SLC8A3: variants seen among roughly 807,000 people sequenced by gnomAD.
SLC8A3 encodes sodium/calcium exchanger 3.
Under a neutral mutation model 65.4 loss-of-function variants are expected in SLC8A3, and 37 were observed. The ratio of observed to expected loss-of-function variants is 0.57; its 90% CI spans 0.44 to 0.74. The LOEUF is 0.74. Ranked by LOEUF, SLC8A3 falls within the 30% of genes least tolerant of loss-of-function variation. SLC8A3 has a pLI of 0.00. For synonymous variants in SLC8A3, 461 were observed against 444.5 expected (o/e 1.04, Z -0.47); for missense variants, 1,112 against 1,172.1 (o/e 0.95, Z 0.75).
intron 2 of SLC8A3, among the ~76,000 whole-genome samples, chr14:70,162,745 C>T (rs77184490): frequency 0.023 from 3,538 of 152,302 alleles, 117 homozygotes; most frequent in South Asian, 0.13. Flanking sequence ...CAAGAAGTGA[C>T]TATAGTGATG....
chr14:70,063,813 G>A (rs72729840), intron 2 of SLC8A3: 2 of 1,434,104 alleles, frequency 1.4e-6, no homozygotes, highest in East Asian at 4.6e-5. Context: ...TGGAGGACAG[G>A]GTACTACACC....
intron 2 of SLC8A3, among the ~76,000 whole-genome samples, chr14:70,114,260 T>C (rs1893508511): frequency 6.6e-6 from 1 of 152,078 alleles, no homozygotes. Flanking sequence ...ATCTAGGATT[T>C]TAGAGTTGAA....
At position 70,116,838 on chromosome 14, in the gene SLC8A3, T is replaced by G. The variant is rs566271198; in HGVS notation, c.1784+49801A>C. 2.6e-5 allele frequency among the ~76,000 whole-genome samples: 4 copies of G among 152,318 alleles called. No individual in the cohort carries two copies. In the South Asian group the frequency reaches 8.3e-4, roughly 32 times the overall value. On this transcript the variant is annotated intron_variant, in intron 2 of 6. Transcript: ENST00000356921. ...AATGATGCAGATTGGATTCTCCGCA[T>G]GGAATTTTTAGCAATGGTACTGCTA... is the stretch of plus-strand genomic sequence containing the variant.
chr14:70,150,474 T>C (rs74062806), intron 2 of SLC8A3, among the ~76,000 whole-genome samples: 1,958 of 152,268 alleles, frequency 0.013, 43 homozygotes, highest in African/African-American at 0.044. Flanking sequence ...GTGGCAATGA[T>C]GAGGCAAACT....
intron 2 of SLC8A3, among the ~76,000 whole-genome samples, chr14:70,121,795 A>G (rs1894075246): frequency 6.6e-6 from 1 of 151,898 alleles, no homozygotes; most frequent in Admixed American, 6.6e-5. Context: ...TTTCTTTTCA[A>G]TGAGGCTTTC....
At chr14:70,115,951 C>T (rs921642546) in intron 2 of SLC8A3, among the ~76,000 whole-genome samples, 2 of 152,128 alleles carry the variant, frequency 1.3e-5, no homozygotes, top group African/African-American at 4.8e-5. Context: ...AAAAGTATCT[C>T]CCAGACCGTC....
intron 1 of SLC8A3, among the ~76,000 whole-genome samples, chr14:70,178,062 G>C (rs931727309): frequency 6.6e-6 from 1 of 152,130 alleles, no homozygotes; most frequent in Non-Finnish European, 1.5e-5. Flanking sequence ...TGGTGAAGAG[G>C]AATGAAGAGG....
chr14:70,112,467 G>A (rs1893372398), intron 2 of SLC8A3, among the ~76,000 whole-genome samples: 1 of 152,150 alleles, frequency 6.6e-6, no homozygotes, highest in Admixed American at 6.5e-5. Flanking sequence ...CCAGGGAGCA[G>A]GATTTGCGGT....
At chr14:70,163,672 AT>A (rs1897013285) in intron 2 of SLC8A3, among the ~76,000 whole-genome samples, 2 of 152,232 alleles carry the variant, frequency 1.3e-5, no homozygotes, top group African/African-American at 4.8e-5. Flanking sequence ...AACAATCATT[AT>A]TCAATTAAGC....
chr14:70,051,190 G>A (rs1887468335), intron 4 of SLC8A3, 83 bp from the exon 5 acceptor site: 2 of 922,200 alleles, frequency 2.2e-6, no homozygotes, highest in Non-Finnish European at 3.6e-6. Flanking sequence ...AGGAATGAAA[G>A]ATGCCCTGTC....
At chr14:70,080,223 C>T (rs1890939879) in intron 2 of SLC8A3, 2 of 985,206 alleles carry the variant, frequency 2.0e-6, no homozygotes, top group South Asian at 9.4e-5. Flanking sequence ...TATTTAGATG[C>T]CTTAGCGCTT....
intron 2 of SLC8A3, among the ~76,000 whole-genome samples, chr14:70,102,045 G>A (rs1296066703): frequency 6.6e-6 from 1 of 152,152 alleles, no homozygotes; most frequent in Non-Finnish European, 1.5e-5. Context: ...GCAAGTCTTT[G>A]GCTGAAGGCT....
At chr14:70,187,783 C>T (rs1474851433) in intron 1 of SLC8A3, among the ~76,000 whole-genome samples, 1 of 152,104 alleles carries the variant, frequency 6.6e-6, no homozygotes, top group Non-Finnish European at 1.5e-5. Flanking sequence ...GCCCCCTTGG[C>T]CCCAGCGGTG....
At chr14:70,074,066 C>T (rs550182129) in intron 2 of SLC8A3, among the ~76,000 whole-genome samples, 7 of 152,332 alleles carry the variant, frequency 4.6e-5, no homozygotes, top group African/African-American at 1.4e-4. Flanking sequence ...AGGGACTACA[C>T]TAAAGCAAAG....
At chr14:70,134,711 C>A (rs1275825911) in intron 2 of SLC8A3, among the ~76,000 whole-genome samples, 1 of 152,172 alleles carries the variant, frequency 6.6e-6, no homozygotes, top group Non-Finnish European at 1.5e-5. Context: ...ATCCTCATCA[C>A]CCTAAGGCCA....
chr14:70,046,057 C>G lies in SLC8A3; in HGVS notation c.2656G>C (p.Gly886Arg), dbSNP rs2139671628. 6.2e-7 allele frequency: 1 copy of G among 1,614,084 alleles called. No individual in the cohort carries two copies. The highest frequency in any genetic ancestry group is 1.3e-5 in the African/African-American group (1 of 75,068). Reference protein sequence around the residue: ...RRRPHLGGELGGPRGCKLATT... With the variant: ...RRRPHLGGELRGPRGCKLATT... ...GCGAGCTTGCAGCCACGGGGGCCAC[C>G]AAGCTCCCCTCCCAGGTGCGGCCGC... The change falls in exon 7 of 7, where the codon GGT becomes CGT. Residue 886 changes from glycine (G) to arginine (R), a missense_variant. Transcript: ENST00000356921. The surrounding 1 kb of genome is among the most constrained non-coding windows in gnomAD (Gnocchi z 4.2).
chr14:70,152,773 C>A (rs1896352824), intron 2 of SLC8A3, among the ~76,000 whole-genome samples: 1 of 152,188 alleles, frequency 6.6e-6, no homozygotes, highest in Non-Finnish European at 1.5e-5. Flanking sequence ...AGAACTGCGT[C>A]CAATCTGGGC....
intron 2 of SLC8A3, among the ~76,000 whole-genome samples, chr14:70,068,195 T>C (rs1298804617): frequency 6.6e-6 from 1 of 152,178 alleles, no homozygotes; most frequent in Admixed American, 6.5e-5. Flanking sequence ...AGGGGAAGGG[T>C]TCTCTTTAGC....
intron 2 of SLC8A3, among the ~76,000 whole-genome samples, chr14:70,125,292 T>G (rs1298620102): frequency 6.6e-6 from 1 of 152,192 alleles, no homozygotes; most frequent in Non-Finnish European, 1.5e-5. Flanking sequence ...TACGTTGTAC[T>G]CATTAAGTAA....
Sources: allele counts gnomAD v4.1 joint callset (sites outside exome capture counted in the v4.1 genomes callset), GRCh38; gene constraint gnomAD v4.1.1; non-coding constraint Gnocchi (gnomAD v3.1); transcripts MANE v1.5; gene names NCBI Gene and HGNC (gene_info 2026-07-23, HGNC 2026-07-21).